HMGCLL1: variants seen among roughly 807,000 people sequenced by gnomAD.
The protein encoded by HMGCLL1 is 3-hydroxy-3-methylglutaryl-CoA lyase like 1.
A neutral mutation model predicts 39.1 loss-of-function variants in HMGCLL1; 36 were observed. The ratio of observed to expected loss-of-function variants is 0.92; its 90% CI spans 0.71 to 1.22. The LOEUF (loss-of-function observed/expected upper bound fraction) is 1.22. HMGCLL1 is among the 50% of genes most tolerant of loss of function. HMGCLL1 has a pLI of 0.00. For missense variants in HMGCLL1, 451 were observed against 416.5 expected (o/e 1.08, Z -0.72); for synonymous variants, 149 against 144.0 (o/e 1.03, Z -0.25).
chr6:55,647,739 T>C, the HMGCLL1 span, among the ~76,000 whole-genome samples: 1 of 125,830 alleles, frequency 7.9e-6, no homozygotes, highest in African/African-American at 3.6e-5. Flanking sequence ...ATGTCTTTTT[T>C]TTTTCCTTTT....
the HMGCLL1 span, among the ~76,000 whole-genome samples, chr6:55,629,341 G>T: frequency 1.5e-3 from 233 of 152,282 alleles, no homozygotes; most frequent in African/African-American, 5.3e-3. Flanking sequence ...TGAGAGAGAT[G>T]ATTTAGTATA....
the HMGCLL1 span, among the ~76,000 whole-genome samples, chr6:55,620,336 C>T: frequency 6.6e-6 from 1 of 152,096 alleles, no homozygotes. Context: ...TCCCTTTTCT[C>T]CATATATTTG....
chr6:55,442,030 T>G (rs370800109), intron 7 of HMGCLL1, among the ~76,000 whole-genome samples: 3 of 152,116 alleles, frequency 2.0e-5, no homozygotes, highest in African/African-American at 7.2e-5. Context: ...ACTGGAGTTA[T>G]AGAGTTTTGG....
chr6:55,598,182 T>C, the HMGCLL1 span, among the ~76,000 whole-genome samples: 1 of 152,190 alleles, frequency 6.6e-6, no homozygotes, highest in Non-Finnish European at 1.5e-5. Context: ...AGTTATCTAT[T>C]GCCATGACTG....
At chr6:55,484,021 T>C (rs193261275) in intron 7 of HMGCLL1, among the ~76,000 whole-genome samples, 35 of 152,318 alleles carry the variant, frequency 2.3e-4, no homozygotes, top group Non-Finnish European at 3.4e-4. Context: ...AGAAAATAGA[T>C]TCTTGTCTTG....
At chr6:55,477,471 T>TATATATATTATATTACATATAATATATA (rs1370147349) in intron 7 of HMGCLL1, among the ~76,000 whole-genome samples, 3 of 69,454 alleles carry the variant, frequency 4.3e-5, no homozygotes, top group Admixed American at 2.8e-4. Context: ...TAATATATAA[T>TATATATATTATATTACATATAATATATA]ATATATATTA....
intron 4 of HMGCLL1, among the ~76,000 whole-genome samples, chr6:55,514,930 C>T (rs1031275610): frequency 5.9e-5 from 9 of 152,138 alleles, no homozygotes; most frequent in Admixed American, 2.0e-4. Flanking sequence ...ACTTTGCCTA[C>T]GTTCTCCCCT....
At chr6:55,588,131 C>A in the HMGCLL1 span, among the ~76,000 whole-genome samples, 1 of 151,964 alleles carries the variant, frequency 6.6e-6, no homozygotes, top group Non-Finnish European at 1.5e-5. Flanking sequence ...ACACCTATTC[C>A]AAAATTGACC....
chr6:55,571,862 C>G (rs1771516486), intron 1 of HMGCLL1, among the ~76,000 whole-genome samples: 1 of 151,910 alleles, frequency 6.6e-6, no homozygotes, highest in South Asian at 2.1e-4. Flanking sequence ...GTAAATTCAT[C>G]TAATTAAAGC....
At chr6:55,442,697 TC>T (rs1763657874) in intron 7 of HMGCLL1, among the ~76,000 whole-genome samples, 1 of 152,164 alleles carries the variant, frequency 6.6e-6, no homozygotes, top group Admixed American at 6.6e-5. Context: ...TTGCTTTCTT[TC>T]CATTACCACA....
At chr6:55,653,730 G>A in the HMGCLL1 span, among the ~76,000 whole-genome samples, 1 of 152,108 alleles carries the variant, frequency 6.6e-6, no homozygotes, top group Middle Eastern at 3.4e-3. Context: ...TGGGAACCCA[G>A]AGCAGAACAA....
intron 3 of HMGCLL1, among the ~76,000 whole-genome samples, chr6:55,518,043 A>G (rs73746356): frequency 6.6e-6 from 1 of 152,138 alleles, no homozygotes; most frequent in Non-Finnish European, 1.5e-5. Context: ...ACAATGCATA[A>G]AAGTGATATC....
chr6:55,666,037 T>C, the HMGCLL1 span, among the ~76,000 whole-genome samples: 1 of 151,642 alleles, frequency 6.6e-6, no homozygotes, highest in African/African-American at 2.4e-5. Context: ...CTTCTGAGAA[T>C]GAAGTAACAG....
intron 7 of HMGCLL1, among the ~76,000 whole-genome samples, chr6:55,460,515 GC>G (rs1242674248): frequency 6.6e-6 from 1 of 151,714 alleles, no homozygotes; most frequent in Non-Finnish European, 1.5e-5. Flanking sequence ...TGTTTATTAT[GC>G]AAGAAATCTT....
At chr6:55,661,229 A>G in the HMGCLL1 span, among the ~76,000 whole-genome samples, 8 of 151,874 alleles carry the variant, frequency 5.3e-5, no homozygotes, top group South Asian at 1.7e-3. Context: ...ATTGGATCCT[A>G]TTTGTTAATT....
Position 55,527,313 on chromosome 6 carries a change from G to T in HMGCLL1, c.298-10710C>A, listed in dbSNP as rs969528314. Among the ~76,000 whole-genome samples the T allele has an allele frequency of 2.6e-5, 4 of 152,026 alleles. No individual in the cohort carries two copies. In the South Asian group the frequency reaches 8.3e-4, roughly 32 times the overall value. On this transcript the variant is annotated intron_variant, in intron 3 of 8. Transcript: ENST00000274901. ...ACTTTTTAAAAATACAGATTTCTTG[G>T]ACATATTGGTACAGATTCTAATTCT... is the stretch of plus-strand genomic sequence containing the variant.
At chr6:55,661,428 C>A in the HMGCLL1 span, among the ~76,000 whole-genome samples, 1 of 151,932 alleles carries the variant, frequency 6.6e-6, no homozygotes, top group Non-Finnish European at 1.5e-5. Flanking sequence ...CAGTCTTCTG[C>A]CTATGGCTAG....
At chr6:55,615,007 C>T in the HMGCLL1 span, among the ~76,000 whole-genome samples, 1 of 151,968 alleles carries the variant, frequency 6.6e-6, no homozygotes, top group Admixed American at 6.6e-5. Flanking sequence ...TATATATTAG[C>T]TCTTGTCTCA....
At chr6:55,657,680 G>C in the HMGCLL1 span, among the ~76,000 whole-genome samples, 1 of 151,906 alleles carries the variant, frequency 6.6e-6, no homozygotes, top group African/African-American at 2.4e-5. Flanking sequence ...GTGATAGATT[G>C]GATAAAGGAA....
Sources: allele counts gnomAD v4.1 joint callset (sites outside exome capture counted in the v4.1 genomes callset), GRCh38; gene constraint gnomAD v4.1.1; transcripts MANE v1.5; gene names NCBI Gene and HGNC (gene_info 2026-07-23, HGNC 2026-07-21).